ANKRD24: variants seen among roughly 807,000 people sequenced by gnomAD.
ANKRD24 encodes ankyrin repeat domain-containing protein 24.
ANKRD24 carries 109 observed loss-of-function variants against 127.8 expected under a neutral mutation model. The ratio of observed to expected loss-of-function variants is 0.85; its 90% CI spans 0.73 to 1.00. The LOEUF (loss-of-function observed/expected upper bound fraction) is 1.00. Among genes scored for constraint, ANKRD24 ranks in the 50% least tolerant of loss-of-function variants. The probability of loss-of-function intolerance (pLI) is 0.00; values close to 1 mark genes in which losing one functional copy is unlikely to be tolerated. For missense variants in ANKRD24, 1,648 were observed against 1,570.2 expected, an observed-to-expected ratio of 1.05 and a Z score of -0.84; for synonymous variants, 743 against 671.1, an observed-to-expected ratio of 1.11 and a Z score of -1.66.
Position 4,200,134 on chromosome 19 carries a change from A to C in ANKRD24, c.306A>C (p.Ile102=). The C allele has an allele frequency of 6.2e-7, 1 of 1,607,426 alleles. No homozygotes were observed. The highest frequency in any genetic ancestry group is 8.5e-7 in the Non-Finnish European group (1 of 1,177,244). Residue 102 remains isoleucine, a synonymous_variant, in exon 5 of 22, where the codon ATA becomes ATC. Coordinates refer to ENST00000318934, the MANE Select transcript of ANKRD24 (RefSeq NM_001393985.1). The part of the protein sequence containing the change: ...RGAASCLEVM[I]AHGSNVMSAD... ...CGGCCAGCTGTCTGGAGGTGATGATAGCTCATGGCAGCAATGTCATGAGCG... is the reference window on the plus strand; with the variant it reads ...CGGCCAGCTGTCTGGAGGTGATGATCGCTCATGGCAGCAATGTCATGAGCG...
intron 2 of ANKRD24, among the ~76,000 whole-genome samples, chr19:4,189,517 G>A (rs533710531): frequency 1.3e-5 from 2 of 150,216 alleles, no homozygotes; most frequent in East Asian, 3.9e-4. Context: ...CTTCCAAAGG[G>A]TTGCCATTAT....
chr19:4,203,549 A>G (rs560962818), intron 7 of ANKRD24, among the ~76,000 whole-genome samples: 4 of 151,456 alleles, frequency 2.6e-5, no homozygotes, highest in East Asian at 2.0e-4. Context: ...GGATCTTGCT[A>G]TGTTGCCCAG....
At chr19:4,219,445 G>T (rs1025971711) in intron 18 of ANKRD24, 146 bp from the exon 19 acceptor site, 7 of 827,588 alleles carry the variant, frequency 8.5e-6, no homozygotes, top group Non-Finnish European at 1.1e-5. Context: ...CCAGCCAGGA[G>T]TGCAGGTCCG....
intron 7 of ANKRD24, among the ~76,000 whole-genome samples, chr19:4,204,159 G>A (rs1969257131): frequency 6.7e-6 from 1 of 149,692 alleles, no homozygotes; most frequent in African/African-American, 2.5e-5. Flanking sequence ...TAGAGACGGG[G>A]TTTCACTGTG....
chr19:4,216,672 T>G lies in ANKRD24; in HGVS notation c.1512T>G (p.Ala504=), dbSNP rs1970093126. The change falls in exon 18 of 22, where the codon GCT becomes GCG. Residue 504 remains alanine (A), a synonymous_variant. Transcript: ENST00000318934. ...AEFDQLRRQH[A]EALQALRQQE... ...TTGACCAGCTACGCAGGCAGCACGC[T>G]GAGGCCCTGCAGGCCCTGAGGCAGC... 6.3e-7 allele frequency: 1 copy of G among 1,595,484 alleles called. No individual in the cohort carries two copies. The highest frequency in any genetic ancestry group is 8.5e-7 in the Non-Finnish European group (1 of 1,171,292).
At chr19:4,204,840 A>G (rs1380464054) in intron 7 of ANKRD24, among the ~76,000 whole-genome samples, 1 of 152,168 alleles carries the variant, frequency 6.6e-6, no homozygotes. Flanking sequence ...TTTGTCACTC[A>G]ACAGTTAACT....
chr19:4,205,328 G>A (rs1969325054), intron 7 of ANKRD24, among the ~76,000 whole-genome samples: 1 of 152,224 alleles, frequency 6.6e-6, no homozygotes, highest in South Asian at 2.1e-4. Context: ...AAGGTTTGCA[G>A]CAATCAAAAC....
At position 4,195,663 on chromosome 19, in the gene ANKRD24, C is replaced by T. The variant is rs1478505025; in HGVS notation, c.37-4020C>T. ...CTGTAATCCCAACACTTTGAGAGGC[C>T]AAGGCAGGTGGATCACGAGGTCAGA... is the stretch of plus-strand genomic sequence containing the variant. On this transcript the variant is annotated intron_variant, in intron 2 of 21. Transcript: ENST00000318934. The surrounding 1 kb of genome is among the most constrained non-coding windows in gnomAD (Gnocchi z 4.2). 6.6e-6 allele frequency among the ~76,000 whole-genome samples: 1 copy of T among 152,096 alleles called. No individual in the cohort carries two copies. The highest frequency in any genetic ancestry group is 1.5e-5 in the Non-Finnish European group (1 of 68,030).
chr19:4,221,358 G>A (rs755601342), intron 19 of ANKRD24, among the ~76,000 whole-genome samples: 6 of 151,624 alleles, frequency 4.0e-5, no homozygotes, highest in South Asian at 2.1e-4. Flanking sequence ...ATGAGCCACC[G>A]TGCCTGGCCT....
chr19:4,214,172 CTTT>C (rs11367695), intron 15 of ANKRD24, among the ~76,000 whole-genome samples: 1 of 147,056 alleles, frequency 6.8e-6, no homozygotes, highest in Non-Finnish European at 1.5e-5. Flanking sequence ...ACAAATATTT[CTTT>C]TTTTTTTTTG....
chr19:4,186,286 G>T, intron 1 of ANKRD24, 104 bp from the exon 2 acceptor site: 1 of 1,506,136 alleles, frequency 6.6e-7, no homozygotes, highest in Non-Finnish European at 8.9e-7. Flanking sequence ...GCCAGGACTG[G>T]TCAGGAAGGA....
At chr19:4,193,079 T>A (rs1019635992) in intron 2 of ANKRD24, among the ~76,000 whole-genome samples, 4 of 151,556 alleles carry the variant, frequency 2.6e-5, no homozygotes, top group Non-Finnish European at 5.9e-5. Context: ...GGTGAGTGGA[T>A]CACTTGAAGT....
rs1259678138 is a variant in ANKRD24, at chr19:4,217,927, CAGG to C, written c.2774_2776del (p.Glu925del). On this transcript the variant is annotated inframe_deletion, in exon 18 of 22. Coordinates refer to ENST00000318934, the MANE Select transcript of ANKRD24 (RefSeq NM_001393985.1). ...GCCGGCCTCTGAGCACCGCCGGCTG[CAGG>C]AGGAGGCCCTGGAGCTGCGGGGCCG... is the stretch of plus-strand genomic sequence containing the variant. 1 of 1,495,630 alleles carries C rather than the reference CAGG, an allele frequency of 6.7e-7. No homozygotes were observed. The highest frequency in any genetic ancestry group is 8.8e-7 in the Non-Finnish European group (1 of 1,130,020). The allele number at this position is 1,495,630 out of a possible 1,614,324, so 92.6% of individuals were successfully genotyped here.
At chr19:4,214,229 C>T (rs1021675321) in intron 15 of ANKRD24, among the ~76,000 whole-genome samples, 5 of 151,660 alleles carry the variant, frequency 3.3e-5, no homozygotes, top group East Asian at 2.0e-4. Context: ...TGCGGTGGCA[C>T]GATCATGGCT....
intron 2 of ANKRD24, among the ~76,000 whole-genome samples, chr19:4,196,622 G>A (rs893301050): frequency 6.6e-6 from 1 of 152,134 alleles, no homozygotes; most frequent in Non-Finnish European, 1.5e-5. Context: ...TGATCTGCCC[G>A]CCTCGGCCTC....
At position 4,207,774 on chromosome 19, in the gene ANKRD24, C is replaced by T; in HGVS notation, c.645-7C>T. 1 of 1,569,516 alleles carries T rather than the reference C, an allele frequency of 6.4e-7. No homozygotes were observed. The highest frequency in any genetic ancestry group is 1.2e-5 in the South Asian group (1 of 86,552). On this transcript the variant is annotated splice_region_variant and splice_polypyrimidine_tract_variant and intron_variant, in intron 9 of 21. Coordinates refer to ENST00000318934, the MANE Select transcript of ANKRD24 (RefSeq NM_001393985.1). Reference sequence around the variant, plus strand: ...CTCATCTCCTCAGTAGCCCCCTCCCCTGGTAGGACGGCCCTGATGCTGGCC... The same window carrying T: ...CTCATCTCCTCAGTAGCCCCCTCCCTTGGTAGGACGGCCCTGATGCTGGCC...
chr19:4,184,229 G>C (rs950213282), intron 1 of ANKRD24, among the ~76,000 whole-genome samples: 2 of 152,194 alleles, frequency 1.3e-5, no homozygotes, highest in East Asian at 3.9e-4. Context: ...GGAGCTGCTC[G>C]TGGCCCAGCT....
intron 2 of ANKRD24, among the ~76,000 whole-genome samples, chr19:4,194,572 G>A (rs1244457244): frequency 1.3e-5 from 2 of 152,200 alleles, no homozygotes; most frequent in East Asian, 1.9e-4. Flanking sequence ...AACAGGCAGT[G>A]GGCAGGATCT....
rs182123986 is a variant in ANKRD24 at position 4,218,455 on chromosome 19, A to G, written c.3003+292A>G. On this transcript the variant is annotated intron_variant, in intron 18 of 21. Transcript: ENST00000318934. The stretch of plus-strand genomic sequence containing the variant: ...GCTGGAATTACAGGCACCTGCCCCC[A>G]CGCCCAGCTAACTTTTGTATTTTTA... 2.7e-3 allele frequency among the ~76,000 whole-genome samples: 407 copies of G among 151,762 alleles called. 3 individuals carry two copies. The highest frequency in any genetic ancestry group is 9.4e-3 in the African/African-American group (388 of 41,326).
Sources: gnomAD v4.1 joint callset for allele counts (sites outside exome capture counted in the v4.1 genomes callset) on GRCh38, gnomAD v4.1.1 for gene constraint, Gnocchi (gnomAD v3.1) non-coding constraint, MANE v1.5 for transcripts, NCBI Gene and HGNC (gene_info 2026-07-23, HGNC 2026-07-21) for gene names.